Variants in DCLK1 observed in about 807,000 individuals in gnomAD.
DCLK1 encodes the protein serine/threonine-protein kinase DCLK1.
In DCLK1, 16 loss-of-function variants were observed where a neutral mutation model predicts 86.2. The observed-to-expected ratio is 0.19, with a 90% CI of 0.13 to 0.28. DCLK1 has a LOEUF of 0.28. DCLK1 is among the 10% of genes least tolerant of loss of function. The pLI is 1.00. For missense variants in DCLK1, 590 were observed against 940.2 expected, an observed-to-expected ratio of 0.63 and a Z score of 4.87; for synonymous variants, 369 against 370.5, an observed-to-expected ratio of 1.00 and a Z score of 0.05.
intron 4 of DCLK1, among the ~76,000 whole-genome samples, chr13:35,927,856 C>T (rs1484051619): frequency 1.3e-5 from 2 of 152,172 alleles, no homozygotes; most frequent in African/African-American, 4.8e-5. Context: ...CCCATGCCTA[C>T]ATAACCAAAC....
intron 16 of DCLK1, among the ~76,000 whole-genome samples, chr13:35,787,276 GT>G (rs763780774): frequency 7.6e-6 from 1 of 131,782 alleles, no homozygotes; most frequent in African/African-American, 3.7e-5. Context: ...GCCAAAACCA[GT>G]GGAATTTTTT....
intron 3 of DCLK1, among the ~76,000 whole-genome samples, chr13:36,101,006 T>A (rs1391654958): frequency 6.6e-6 from 1 of 152,184 alleles, no homozygotes; most frequent in Non-Finnish European, 1.5e-5. Context: ...CCGGGCATCG[T>A]CCATGTTGGG....
chr13:36,003,389 C>T (rs113152292), intron 3 of DCLK1, among the ~76,000 whole-genome samples: 3 of 152,290 alleles, frequency 2.0e-5, no homozygotes, highest in Non-Finnish European at 4.4e-5. Context: ...GTGTCTTATA[C>T]ACTACTGGAG....
chr13:35,786,532 C>G (rs1425234322), intron 16 of DCLK1, among the ~76,000 whole-genome samples: 1 of 152,138 alleles, frequency 6.6e-6, no homozygotes, highest in Non-Finnish European at 1.5e-5. Flanking sequence ...TGGAAGGGAG[C>G]CCCTGGGGTG....
intron 4 of DCLK1, among the ~76,000 whole-genome samples, chr13:35,908,711 C>T (rs1874821744): frequency 6.6e-6 from 1 of 152,236 alleles, no homozygotes; most frequent in Non-Finnish European, 1.5e-5. Context: ...TCTTGGCTCA[C>T]TGCAACCTCT....
intron 3 of DCLK1, among the ~76,000 whole-genome samples, chr13:36,032,631 G>A (rs1170526458): frequency 5.9e-5 from 9 of 151,998 alleles, no homozygotes; most frequent in Admixed American, 5.9e-4. Flanking sequence ...GCCTTTTTAT[G>A]TTCCAATAGG....
intron 16 of DCLK1, among the ~76,000 whole-genome samples, chr13:35,779,579 A>G (rs2086486761): frequency 6.6e-6 from 1 of 152,196 alleles, no homozygotes; most frequent in African/African-American, 2.4e-5. Flanking sequence ...AATAATAACA[A>G]TAGCAAAAAA....
At chr13:36,130,902 C>A (rs2138232572) in intron 1 of DCLK1, among the ~76,000 whole-genome samples, 1 of 152,262 alleles carries the variant, frequency 6.6e-6, no homozygotes, top group African/African-American at 2.4e-5. Context: ...TGCCAGCAGC[C>A]CCGGGGCCGC....
intron 4 of DCLK1, among the ~76,000 whole-genome samples, chr13:35,939,855 C>T (rs2153131418): frequency 6.6e-6 from 1 of 152,290 alleles, no homozygotes; most frequent in East Asian, 1.9e-4. Flanking sequence ...TTTAGATTTA[C>T]AAAGAGTTGT....
At position 35,848,277 on chromosome 13, in the gene DCLK1, G is replaced by A. The variant is rs899519975; in HGVS notation, c.1035+6222C>T. On this transcript the variant is annotated intron_variant, in intron 6 of 16. Coordinates refer to ENST00000360631, the MANE Select transcript of DCLK1 (RefSeq NM_001330071.2). ...TAAGTGCCTATAAATCACCAATTCT[G>A]TTCCACCAATGAACTGAAAACTTCT... 1.0e-5 allele frequency: 10 copies of A among 984,482 alleles called. No individual in the cohort carries two copies. The African/African-American group carries it at 1.7e-4, about 17-fold the overall frequency. The allele number at this position is 984,482 out of a possible 1,614,324, so 61.0% of individuals were successfully genotyped here.
Position 35,907,841 on chromosome 13 carries a change from T to A in DCLK1, c.824-36501A>T, listed in dbSNP as rs867337512. 2.2e-3 allele frequency among the ~76,000 whole-genome samples: 316 copies of A among 140,698 alleles called. 1 individual carries two copies. The highest frequency in any genetic ancestry group is 7.2e-3 in the Middle Eastern group (2 of 276). 92.3% of individuals were successfully genotyped at this position (140,698 alleles called of 152,430 possible). A position where few individuals can be genotyped will look rare whatever the true frequency, so the allele number is the denominator to read the frequency against. On this transcript the variant is annotated intron_variant, in intron 4 of 16. Coordinates refer to ENST00000360631, the MANE Select transcript of DCLK1 (RefSeq NM_001330071.2). ...CAATTTTACATCTATGAAAAAACTT[T>A]AAAAAAAAAAAAAAAGAGCCTAAAA... is the stretch of plus-strand genomic sequence containing the variant.
chr13:36,089,362 G>A (rs1884735121), intron 3 of DCLK1, among the ~76,000 whole-genome samples: 1 of 152,184 alleles, frequency 6.6e-6, no homozygotes, highest in Non-Finnish European at 1.5e-5. Flanking sequence ...CTGAACAGAA[G>A]CACAGGCTTT....
intron 3 of DCLK1, among the ~76,000 whole-genome samples, chr13:36,068,667 C>T (rs1339144446): frequency 6.6e-6 from 1 of 151,908 alleles, no homozygotes; most frequent in East Asian, 1.9e-4. Context: ...CTTCTCATGA[C>T]CTAAGAAACA....
intron 6 of DCLK1, chr13:35,848,247 A>G (rs1435438637): frequency 1.0e-6 from 1 of 984,800 alleles, no homozygotes; most frequent in East Asian, 1.1e-4. Context: ...TAAGTAACTC[A>G]ATCATAAGTG....
intron 4 of DCLK1, among the ~76,000 whole-genome samples, chr13:35,907,365 G>A: frequency 6.6e-6 from 1 of 151,986 alleles, no homozygotes; most frequent in East Asian, 1.9e-4. Context: ...TTCTTGCTAT[G>A]TTTTCCAGGC....
intron 3 of DCLK1, among the ~76,000 whole-genome samples, chr13:36,070,157 T>C (rs1376145764): frequency 6.6e-6 from 1 of 152,218 alleles, no homozygotes; most frequent in East Asian, 1.9e-4. Flanking sequence ...TATGGTTTTT[T>C]AAATCCAAAA....
chr13:35,981,106 A>G (rs1229998800), intron 3 of DCLK1, among the ~76,000 whole-genome samples: 1 of 152,212 alleles, frequency 6.6e-6, no homozygotes, highest in Non-Finnish European at 1.5e-5. Context: ...GCTAGGAACA[A>G]AGAGAGCCAT....
chr13:35,952,822 A>C (rs1877775339), intron 3 of DCLK1, among the ~76,000 whole-genome samples: 1 of 152,102 alleles, frequency 6.6e-6, no homozygotes, highest in African/African-American at 2.4e-5. Flanking sequence ...ACTCTATGTG[A>C]TGGTGCTTAG....
At chr13:35,828,100 T>C in intron 9 of DCLK1, 150 bp downstream of exon 9, 1 of 639,320 alleles carries the variant, frequency 1.6e-6, no homozygotes, top group Non-Finnish European at 2.7e-6. Context: ...CCCAGGGATA[T>C]ACATAAAGTT....
Sources: gnomAD v4.1 joint callset for allele counts (sites outside exome capture counted in the v4.1 genomes callset) on GRCh38, gnomAD v4.1.1 for gene constraint, MANE v1.5 for transcripts, NCBI Gene and HGNC (gene_info 2026-07-23, HGNC 2026-07-21) for gene names.